PTPRD: variants seen among roughly 807,000 people sequenced by gnomAD.
PTPRD encodes the protein receptor-type tyrosine-protein phosphatase delta.
PTPRD carries 34 observed loss-of-function variants against 214.5 expected under a neutral mutation model. The ratio of observed to expected loss-of-function variants is 0.16; its 90% CI spans 0.12 to 0.21. The LOEUF is 0.21. PTPRD is among the 10% of genes least tolerant of loss of function. The pLI is 1.00. For missense variants in PTPRD, 2,545 were observed against 2,398.7 expected (o/e 1.06, Z -1.27); for synonymous variants, 1,128 against 845.7 (o/e 1.33, Z -5.79).
chr9:10,239,704 G>GA (rs61297013), intron 3 of PTPRD, among the ~76,000 whole-genome samples: 95,692 of 151,272 alleles, frequency 0.63, 32,458 homozygotes, highest in Non-Finnish European at 0.76. Context: ...ACTGAATCCA[G>GA]AAAAAAATGA....
At chr9:9,501,183 T>C (rs1039965873) in intron 8 of PTPRD, among the ~76,000 whole-genome samples, 3 of 152,040 alleles carry the variant, frequency 2.0e-5, no homozygotes, top group African/African-American at 7.2e-5. Context: ...GTGAATGGAT[T>C]AAATATTCCT....
intron 3 of PTPRD, among the ~76,000 whole-genome samples, chr9:10,162,688 T>TGTATATATATACATATACAC (rs959157867): frequency 6.8e-6 from 1 of 147,064 alleles, no homozygotes; most frequent in African/African-American, 2.5e-5. Context: ...TGTATATATG[T>TGTATATATATACATATACAC]GTATATATAT....
chr9:10,070,864 G>T (rs1443413683), intron 3 of PTPRD, among the ~76,000 whole-genome samples: 1 of 151,730 alleles, frequency 6.6e-6, no homozygotes, highest in Non-Finnish European at 1.5e-5. Flanking sequence ...TTATTTTGTA[G>T]ATTAAAAAAA....
chr9:9,654,496 T>A (rs956676895), intron 7 of PTPRD, among the ~76,000 whole-genome samples: 1 of 152,118 alleles, frequency 6.6e-6, no homozygotes, highest in African/African-American at 2.4e-5. Flanking sequence ...TAATGCCACA[T>A]TTAACTGGCA....
intron 8 of PTPRD, among the ~76,000 whole-genome samples, chr9:9,477,384 A>G (rs1355002786): frequency 6.6e-6 from 1 of 152,152 alleles, no homozygotes; most frequent in Non-Finnish European, 1.5e-5. Flanking sequence ...ACAAACTGGG[A>G]CCATTTGAAG....
intron 11 of PTPRD, among the ~76,000 whole-genome samples, chr9:8,934,180 T>A (rs1384902859): frequency 1.3e-5 from 2 of 150,924 alleles, no homozygotes; most frequent in African/African-American, 4.9e-5. Context: ...ATTGAGAAGA[T>A]GAGATAATAT....
chr9:8,772,475 C>A (rs541945233), intron 11 of PTPRD, among the ~76,000 whole-genome samples: 2 of 151,720 alleles, frequency 1.3e-5, no homozygotes, highest in Non-Finnish European at 2.9e-5. Flanking sequence ...ATAGTGAGAC[C>A]CCATCTCTAC....
At chr9:9,993,344 G>A (rs568742086) in intron 4 of PTPRD, among the ~76,000 whole-genome samples, 5 of 152,288 alleles carry the variant, frequency 3.3e-5, no homozygotes, top group African/African-American at 7.2e-5. Context: ...ATCAAAGTGC[G>A]TACAAGAATG....
intron 9 of PTPRD, among the ~76,000 whole-genome samples, chr9:9,383,602 A>G (rs554058004): frequency 3.9e-5 from 6 of 152,300 alleles, no homozygotes; most frequent in East Asian, 1.9e-4. Context: ...CTAAGAAAAA[A>G]TTGTGATTCA....
At chr9:8,878,774 C>A (rs542747920) in intron 11 of PTPRD, among the ~76,000 whole-genome samples, 1 of 152,284 alleles carries the variant, frequency 6.6e-6, no homozygotes, top group Non-Finnish European at 1.5e-5. Flanking sequence ...GCAATTCTCC[C>A]ACCTTGGCCT....
At chr9:8,904,460 T>G (rs1395476803) in intron 11 of PTPRD, among the ~76,000 whole-genome samples, 1 of 152,092 alleles carries the variant, frequency 6.6e-6, no homozygotes, top group African/African-American at 2.4e-5. Context: ...TCACCTAAGG[T>G]CAGGAGTTCG....
At chr9:8,808,992 A>G (rs2096745771) in intron 11 of PTPRD, among the ~76,000 whole-genome samples, 1 of 152,178 alleles carries the variant, frequency 6.6e-6, no homozygotes. Context: ...AGTAGCCACT[A>G]TTCATAGAAC....
Position 9,826,417 on chromosome 9 carries a change from A to G in PTPRD, c.-367-59566T>C, listed in dbSNP as rs1303787647. Among the ~76,000 whole-genome samples, 4 of 151,984 alleles carry G rather than the reference A, an allele frequency of 2.6e-5. No homozygotes were observed. In the East Asian group the frequency reaches 7.7e-4, roughly 29 times the overall value. Reference sequence around the variant, plus strand: ...TTATTTAAAAAAAATACAATTTTGAAGTATTTTGAAGGCAGACTTTACTGG... The same window carrying G: ...TTATTTAAAAAAAATACAATTTTGAGGTATTTTGAAGGCAGACTTTACTGG... On this transcript the variant is annotated intron_variant, in intron 5 of 45. Transcript: ENST00000381196.
At chr9:10,018,795 C>A (rs1368930522) in intron 4 of PTPRD, among the ~76,000 whole-genome samples, 1 of 151,542 alleles carries the variant, frequency 6.6e-6, no homozygotes, top group Non-Finnish European at 1.5e-5. Flanking sequence ...GTGATCCGCC[C>A]GCCTCGGCCT....
intron 11 of PTPRD, among the ~76,000 whole-genome samples, chr9:8,812,710 A>T (rs920295426): frequency 6.6e-6 from 1 of 151,898 alleles, no homozygotes; most frequent in African/African-American, 2.4e-5. Flanking sequence ...AAACCTTACA[A>T]ACTCTGGAGA....
At chr9:9,856,417 T>A (rs1368348080) in intron 5 of PTPRD, among the ~76,000 whole-genome samples, 2 of 152,128 alleles carry the variant, frequency 1.3e-5, no homozygotes, top group Non-Finnish European at 2.9e-5. Flanking sequence ...CTTTTCTGCC[T>A]AGAATTTCTC....
intron 11 of PTPRD, among the ~76,000 whole-genome samples, chr9:8,790,803 T>C (rs1254370697): frequency 6.6e-6 from 1 of 150,842 alleles, no homozygotes; most frequent in East Asian, 1.9e-4. Context: ...AACAGAAATG[T>C]TGTACTTTAT....
At chr9:9,762,327 A>G (rs2098665346) in intron 6 of PTPRD, among the ~76,000 whole-genome samples, 2 of 152,168 alleles carry the variant, frequency 1.3e-5, no homozygotes, top group African/African-American at 4.8e-5. Flanking sequence ...TATAATCCCA[A>G]AAGCTCTTCT....
At chr9:8,375,795 T>G in intron 39 of PTPRD, 141 bp downstream of exon 39, 1 of 911,274 alleles carries the variant, frequency 1.1e-6, no homozygotes, top group Non-Finnish European at 1.6e-6. Flanking sequence ...GATGTTAGCA[T>G]AGGCCTCATT....
Sources: gnomAD v4.1 joint callset for allele counts (sites outside exome capture counted in the v4.1 genomes callset) on GRCh38, gnomAD v4.1.1 for gene constraint, MANE v1.5 for transcripts, NCBI Gene and HGNC (gene_info 2026-07-23, HGNC 2026-07-21) for gene names.